ADGRL2: variants seen among roughly 807,000 people sequenced by gnomAD.
ADGRL2 encodes the protein calcium-independent alpha-latrotoxin receptor 2.
A neutral mutation model predicts 157.4 loss-of-function variants in ADGRL2; 44 were observed. The ratio of observed to expected loss-of-function variants is 0.28; its 90% confidence interval spans 0.22 to 0.36. The LOEUF (loss-of-function observed/expected upper bound fraction) is 0.36. Ranked by LOEUF, ADGRL2 falls within the 10% of genes least tolerant of loss-of-function variation. The pLI, the probability that ADGRL2 is intolerant of heterozygous loss-of-function variation, is 1.00. For missense variants in ADGRL2, 1,510 were observed against 1,768.9 expected, an observed-to-expected ratio of 0.85 and a Z score of 2.63; for synonymous variants, 585 against 624.7, an observed-to-expected ratio of 0.94 and a Z score of 0.95.
Position 81,966,583 on chromosome 1 carries a change from G to T in ADGRL2, c.2323G>T (p.Val775Leu). The change falls in exon 13 of 24, where the codon GTG becomes TTG. Residue 775 changes from valine to leucine, a missense_variant. By Grantham distance (32) the Val-to-Leu change is conservative. Around this residue, in one of 4 missense-constraint regions of ADGRL2, gnomAD observed 497 missense variants for 627.2 expected, o/e 0.79. Coordinates refer to ENST00000686636, the MANE Select transcript of ADGRL2 (RefSeq NM_001366006.2). Reference protein sequence around the residue: ...ESSRVYLTDPVLFTLPHIDPD... With the variant: ...ESSRVYLTDPLLFTLPHIDPD... ...CAGCCGAGTATACCTGACTGATCCT[G>T]TGCTTTTTACCCTGCCACACATTGA... The T allele has an allele frequency of 6.2e-7, 1 of 1,614,062 alleles. No individual in the cohort carries two copies. The highest frequency in any genetic ancestry group is 2.2e-5 in the East Asian group (1 of 44,860).
chr1:81,417,083 T>G (rs2077045523), intron 1 of ADGRL2, among the ~76,000 whole-genome samples: 1 of 152,208 alleles, frequency 6.6e-6, no homozygotes, highest in Admixed American at 6.5e-5. Context: ...AAAAAGCATC[T>G]TCCTTTACTT....
chr1:81,510,319 A>T (rs1426620719), intron 2 of ADGRL2, among the ~76,000 whole-genome samples: 1 of 152,216 alleles, frequency 6.6e-6, no homozygotes, highest in Non-Finnish European at 1.5e-5. Flanking sequence ...CAGGTACCTC[A>T]GTGGCCCAAT....
At position 81,943,843 on chromosome 1, in the gene ADGRL2, T is replaced by C. The variant is rs1022443040; in HGVS notation, c.1210+74T>C. 1 of 1,183,510 alleles carries C rather than the reference T, an allele frequency of 8.4e-7. No homozygotes were observed. The highest frequency in any genetic ancestry group is 1.5e-5 in the African/African-American group (1 of 64,618). 73.3% of individuals were successfully genotyped at this position (1,183,510 alleles called of 1,614,324 possible). A position where few individuals can be genotyped will look rare whatever the true frequency, so the allele number is the denominator to read the frequency against. ...TTTCTTTTTAAAGACTTCTTAATTT[T>C]TTTTTCCTATTTTCTTCCCCTTTTC... On this transcript the variant is annotated intron_variant, in intron 6 of 23. Coordinates refer to ENST00000686636, the MANE Select transcript of ADGRL2 (RefSeq NM_001366006.2). This position sits in a 1 kb window ranked among gnomAD's most constrained non-coding sequence, Gnocchi z 5.6.
intron 2 of ADGRL2, among the ~76,000 whole-genome samples, chr1:81,866,134 A>G (rs1349811237): frequency 6.6e-6 from 1 of 152,188 alleles, no homozygotes; most frequent in African/African-American, 2.4e-5. Flanking sequence ...ATAACATTTC[A>G]TGCTCTTTTC....
intron 2 of ADGRL2, among the ~76,000 whole-genome samples, chr1:81,866,151 C>T (rs532641200): frequency 6.6e-6 from 1 of 152,280 alleles, no homozygotes; most frequent in East Asian, 1.9e-4. Context: ...TTTCTTCTTT[C>T]TAAAACATGT....
At position 81,447,102 on chromosome 1, in the gene ADGRL2, G is replaced by C. The variant is rs150913984; in HGVS notation, c.-248+2013G>C. Among the ~76,000 whole-genome samples the C allele has an allele frequency of 8.6e-5, 13 of 152,020 alleles. No individual in the cohort carries two copies. In the East Asian group the frequency reaches 2.3e-3, roughly 27 times the overall value. ...TTTACTATTAAAATCATTTAAAGGG[G>C]CAAACGTTGGCAAAGTAGAAGTGAT... On this transcript the variant is annotated intron_variant, in intron 2 of 24. Coordinates refer to the ADGRL2 transcript ENST00000370721.
chr1:81,723,406 A>G (rs2084402663), intron 1 of ADGRL2, among the ~76,000 whole-genome samples: 1 of 152,246 alleles, frequency 6.6e-6, no homozygotes, highest in Non-Finnish European at 1.5e-5. Context: ...AACACTTTTT[A>G]AACCTTAAAA....
At chr1:81,428,019 A>G (rs1416547216) in intron 1 of ADGRL2, among the ~76,000 whole-genome samples, 1 of 152,214 alleles carries the variant, frequency 6.6e-6, no homozygotes, top group Non-Finnish European at 1.5e-5. Context: ...GTTTTTCTAC[A>G]TTTTAGTACA....
intron 1 of ADGRL2, among the ~76,000 whole-genome samples, chr1:81,440,328 T>A (rs956207465): frequency 2.0e-5 from 3 of 152,198 alleles, no homozygotes; most frequent in African/African-American, 7.2e-5. Flanking sequence ...TATCACTACT[T>A]CACGTTGTGA....
At chr1:81,861,014 C>CT (rs36062412) in intron 2 of ADGRL2, among the ~76,000 whole-genome samples, 48,106 of 118,452 alleles carry the variant, frequency 0.41, 11,468 homozygotes, top group Middle Eastern at 0.58. Flanking sequence ...ATTTCACTGA[C>CT]TTTTTTTTTT....
intron 17 of ADGRL2, 92 bp downstream of exon 17, chr1:81,972,010 A>G (rs1470820745): frequency 5.5e-6 from 4 of 731,700 alleles, no homozygotes; most frequent in Non-Finnish European, 6.8e-6. Flanking sequence ...TTGTTTATCT[A>G]TCTATACAAA....
chr1:81,921,274 A>G (rs1437382264), intron 3 of ADGRL2, among the ~76,000 whole-genome samples: 1 of 152,222 alleles, frequency 6.6e-6, no homozygotes, highest in Non-Finnish European at 1.5e-5. Context: ...TTTAAGTATT[A>G]TAATACTTTT....
chr1:81,608,315 C>A (rs1016697022), intron 3 of ADGRL2, among the ~76,000 whole-genome samples: 3 of 152,134 alleles, frequency 2.0e-5, no homozygotes, highest in Non-Finnish European at 4.4e-5. Flanking sequence ...GCTCTCCATG[C>A]ATGAGGCATC....
chr1:81,907,722 C>G (rs1485997909), intron 3 of ADGRL2, among the ~76,000 whole-genome samples: 1 of 151,958 alleles, frequency 6.6e-6, no homozygotes, highest in Non-Finnish European at 1.5e-5. Context: ...GAGTGTTTCT[C>G]AACTGAAGAT....
intron 2 of ADGRL2, among the ~76,000 whole-genome samples, chr1:81,476,491 G>A (rs910301238): frequency 1.3e-5 from 2 of 152,162 alleles, no homozygotes; most frequent in African/African-American, 4.8e-5. Context: ...CCTTTCCAAA[G>A]TGAACACCTC....
chr1:81,479,993 T>A (rs969723111), intron 2 of ADGRL2, among the ~76,000 whole-genome samples: 5 of 152,210 alleles, frequency 3.3e-5, no homozygotes, highest in African/African-American at 1.2e-4. Context: ...TTCTGATTTT[T>A]TGTAGGTAAG....
At chr1:81,949,034 C>A (rs943345496) in intron 6 of ADGRL2, among the ~76,000 whole-genome samples, 2 of 152,074 alleles carry the variant, frequency 1.3e-5, no homozygotes, top group African/African-American at 4.8e-5. Flanking sequence ...CTAATAAATT[C>A]TAATATTCTA....
Position 81,847,638 on chromosome 1 carries a change from T to A in ADGRL2, c.73+10581T>A, listed in dbSNP as rs571127485. On this transcript the variant is annotated intron_variant, in intron 2 of 23. Transcript: ENST00000686636. Reference sequence around the variant, plus strand: ...TTTTATATGCCTTCTATTGACCTTTTATGTGGTGAGTTGCTTTGAAAAATC... The same window carrying A: ...TTTTATATGCCTTCTATTGACCTTTAATGTGGTGAGTTGCTTTGAAAAATC... Among the ~76,000 whole-genome samples, 8 of 152,004 alleles carry A rather than the reference T, an allele frequency of 5.3e-5. No homozygotes were observed. In the South Asian group the frequency reaches 1.5e-3, roughly 28 times the overall value.
At chr1:81,401,965 G>T (rs1393070079) in intron 1 of ADGRL2, among the ~76,000 whole-genome samples, 1 of 151,884 alleles carries the variant, frequency 6.6e-6, no homozygotes, top group African/African-American at 2.4e-5. Context: ...TCCCTCTAAA[G>T]GATTAAAATT....
Sources: allele counts gnomAD v4.1 joint callset (sites outside exome capture counted in the v4.1 genomes callset), GRCh38; gene constraint gnomAD v4.1.1; regional missense constraint gnomAD v4.1.1; non-coding constraint Gnocchi (gnomAD v3.1); transcripts MANE v1.5; gene names NCBI Gene and HGNC (gene_info 2026-07-23, HGNC 2026-07-21).